The following AUTS2 variants were observed in gnomAD, a reference collection of about 807,000 sequenced individuals.
The protein encoded by AUTS2 is activator of transcription and developmental regulator AUTS2.
In AUTS2, 17 loss-of-function variants were observed where a neutral mutation model predicts 112.4. That is an observed-to-expected ratio of 0.15 (90% CI 0.10 to 0.23). AUTS2 has a LOEUF of 0.23. AUTS2 is among the 10% of genes least tolerant of loss of function. The probability of loss-of-function intolerance (pLI) is 1.00; values close to 1 mark genes in which losing one functional copy is unlikely to be tolerated. For synonymous variants in AUTS2, 751 were observed against 702.7 expected (o/e 1.07, Z -1.09); for missense variants, 1,510 against 1,701.6 (o/e 0.89, Z 1.98).
rs200867539 is a variant in AUTS2 at position 70,053,544 on chromosome 7, G to GTTTTTTTTTTTTTTTTTTTTT, written c.523-64576_523-64575insTTTTTTTTTTTTTTTTTTTTT. Among the ~76,000 whole-genome samples the GTTTTTTTTTTTTTTTTTTTTT allele has an allele frequency of 3.9e-3, 496 of 127,666 alleles. 34 individuals carry two copies. Among genetic ancestry groups the GTTTTTTTTTTTTTTTTTTTTT allele is most frequent in the Middle Eastern group, 0.017 (4 of 238 alleles). 83.8% of individuals were successfully genotyped at this position (127,666 alleles called of 152,430 possible). A position where few individuals can be genotyped will look rare whatever the true frequency, so the allele number is the denominator to read the frequency against. ...ATTGTGGCAACCACTGTTTTGGGTG[G>GTTTTTTTTTTTTTTTTTTTTT]TTTTTTTTTTTTGGAGACAGGATCT... On this transcript the variant is annotated intron_variant, in intron 2 of 18. Transcript: ENST00000342771.
intron 1 of AUTS2, among the ~76,000 whole-genome samples, chr7:69,701,116 G>A (rs1454615019): frequency 6.6e-6 from 1 of 152,002 alleles, no homozygotes; most frequent in Non-Finnish European, 1.5e-5. Flanking sequence ...CTCTCTCCCT[G>A]TTTATAAAAT....
intron 2 of AUTS2, among the ~76,000 whole-genome samples, chr7:70,004,349 A>G (rs1799430842): frequency 7.7e-6 from 1 of 129,874 alleles, no homozygotes; most frequent in Non-Finnish European, 1.6e-5. Context: ...ATATATTCAT[A>G]TATATATTAT....
intron 5 of AUTS2, among the ~76,000 whole-genome samples, chr7:70,635,101 C>T (rs144424712): frequency 6.6e-6 from 1 of 152,258 alleles, no homozygotes; most frequent in East Asian, 1.9e-4. Context: ...CTTATGAATT[C>T]CACTCTGCGA....
Position 69,954,163 on chromosome 7 carries a change from CAT to C in AUTS2, c.522+54667_522+54668del, listed in dbSNP as rs550045041. ...AAAATCAAACTAATCAATCACTCCA[CAT>C]AGTTACCGCTTTTCTTTTTATAGTG... On this transcript the variant is annotated intron_variant, in intron 2 of 18. Coordinates refer to ENST00000342771, the MANE Select transcript of AUTS2 (RefSeq NM_015570.4). Among the ~76,000 whole-genome samples, 12 of 152,306 alleles carry C rather than the reference CAT, an allele frequency of 7.9e-5. No homozygotes were observed. The South Asian group carries it at 1.9e-3, about 24-fold the overall frequency.
At chr7:70,068,673 A>G (rs2129562016) in intron 2 of AUTS2, among the ~76,000 whole-genome samples, 1 of 152,354 alleles carries the variant, frequency 6.6e-6, no homozygotes, top group South Asian at 2.1e-4. Flanking sequence ...TATTTGTTTA[A>G]TAGTGAATGT....
chr7:70,279,350 G>A (rs1788094915), intron 4 of AUTS2, among the ~76,000 whole-genome samples: 1 of 152,166 alleles, frequency 6.6e-6, no homozygotes, highest in African/African-American at 2.4e-5. Flanking sequence ...AAGTTCAGAT[G>A]TACTGGACTC....
intron 2 of AUTS2, among the ~76,000 whole-genome samples, chr7:70,038,229 T>G (rs1219718875): frequency 2.0e-5 from 3 of 152,268 alleles, no homozygotes; most frequent in African/African-American, 7.2e-5. Flanking sequence ...ACCAAGCATT[T>G]CAAAGTACCT....
At chr7:70,529,290 T>G (rs1352583067) in intron 5 of AUTS2, among the ~76,000 whole-genome samples, 1 of 149,296 alleles carries the variant, frequency 6.7e-6, no homozygotes, top group African/African-American at 2.5e-5. Flanking sequence ...CTAAAAAATT[T>G]ATGTATTTCA....
intron 4 of AUTS2, among the ~76,000 whole-genome samples, chr7:70,146,265 GA>G (rs964521097): frequency 9.9e-5 from 15 of 151,570 alleles, no homozygotes; most frequent in African/African-American, 3.2e-4. Context: ...TTTTAGTGGG[GA>G]AAAAAAATTC....
chr7:69,644,989 G>A (rs2129124787), intron 1 of AUTS2, among the ~76,000 whole-genome samples: 1 of 151,970 alleles, frequency 6.6e-6, no homozygotes, highest in Admixed American at 6.6e-5. Context: ...GCTCACTGCA[G>A]CCTCAAACTC....
intron 6 of AUTS2, among the ~76,000 whole-genome samples, chr7:70,717,372 G>T (rs984050281): frequency 2.0e-5 from 3 of 151,950 alleles, no homozygotes; most frequent in African/African-American, 7.3e-5. Flanking sequence ...TTGTAGAGAT[G>T]GGGTCTTGCT....
intron 5 of AUTS2, among the ~76,000 whole-genome samples, chr7:70,635,590 C>G (rs1805494195): frequency 6.6e-6 from 1 of 152,136 alleles, no homozygotes; most frequent in Admixed American, 6.5e-5. Context: ...GAGTTCTTAG[C>G]TGGGTTGTTC....
At chr7:70,235,202 T>C (rs1812257186) in intron 4 of AUTS2, among the ~76,000 whole-genome samples, 1 of 152,106 alleles carries the variant, frequency 6.6e-6, no homozygotes, top group Non-Finnish European at 1.5e-5. Context: ...GGCAAGATCA[T>C]AGCTCACTGT....
intron 1 of AUTS2, among the ~76,000 whole-genome samples, chr7:69,792,266 G>A (rs1182047285): frequency 6.7e-6 from 1 of 150,226 alleles, no homozygotes; most frequent in East Asian, 2.0e-4. Context: ...TTAAGACGGA[G>A]TCTCGCTCTG....
chr7:70,472,828 T>G (rs1486076548), intron 5 of AUTS2, among the ~76,000 whole-genome samples: 1 of 152,232 alleles, frequency 6.6e-6, no homozygotes, highest in Non-Finnish European at 1.5e-5. Flanking sequence ...CCTCAGATCC[T>G]TGTTTCACGT....
At chr7:70,692,104 G>A (rs557455669) in intron 5 of AUTS2, among the ~76,000 whole-genome samples, 1 of 152,218 alleles carries the variant, frequency 6.6e-6, no homozygotes, top group African/African-American at 2.4e-5. Context: ...CTGACCTCAA[G>A]TGATCCACCT....
intron 2 of AUTS2, among the ~76,000 whole-genome samples, chr7:70,003,614 TTATATATGAGTATCTATAA>T (rs1283353830): frequency 3.3e-4 from 40 of 121,182 alleles, no homozygotes; most frequent in Admixed American, 4.8e-4. Context: ...TATGAATGTG[TTATATATGAGTATCTATAA>T]TATATATGAA....
chr7:70,419,681 T>C (rs1476408340), intron 4 of AUTS2, among the ~76,000 whole-genome samples: 1 of 152,232 alleles, frequency 6.6e-6, no homozygotes, highest in Non-Finnish European at 1.5e-5. Flanking sequence ...GCTTCTCTTC[T>C]TCTGATGCAA....
At position 70,498,808 on chromosome 7, in the gene AUTS2, G is replaced by C. The variant is rs185124085; in HGVS notation, c.690+63027G>C. 8.5e-5 allele frequency among the ~76,000 whole-genome samples: 13 copies of C among 152,360 alleles called. 1 individual carries two copies. In the East Asian group the frequency reaches 2.5e-3, roughly 29 times the overall value. ...ATTAGAGCTGCGATGATGTGTGCCA[G>C]ATAGAAGGGGAGTATTCACACTTCT... On this transcript the variant is annotated intron_variant, in intron 5 of 18. Transcript: ENST00000342771.
Sources: gnomAD v4.1 joint callset for allele counts (sites outside exome capture counted in the v4.1 genomes callset) on GRCh38, gnomAD v4.1.1 for gene constraint, MANE v1.5 for transcripts, NCBI Gene and HGNC (gene_info 2026-07-23, HGNC 2026-07-21) for gene names.